Variants in OGDH observed in about 807,000 individuals in gnomAD.
OGDH encodes the protein 2-oxoglutarate dehydrogenase complex component E1.
A neutral mutation model predicts 116.6 loss-of-function variants in OGDH; 38 were observed. That is an observed-to-expected ratio of 0.33 (90% CI 0.25 to 0.43). The LOEUF is 0.43. Among genes scored for constraint, OGDH ranks in the 20% least tolerant of loss-of-function variants. OGDH has a pLI of 1.00. For missense variants in OGDH, 825 were observed against 1,357.2 expected (o/e 0.61, Z 6.16); for synonymous variants, 488 against 533.3 (o/e 0.92, Z 1.17).
At chr7:44,616,652 C>CAT (rs973996535) in intron 1 of OGDH, among the ~76,000 whole-genome samples, 12 of 146,944 alleles carry the variant, frequency 8.2e-5, no homozygotes, top group Non-Finnish European at 1.2e-4. Flanking sequence ...TATATATACA[C>CAT]ATATATATAC....
In OGDH at chr7:44,696,101, A is replaced by G. The variant is rs1354599466; in HGVS notation, c.1745A>G (p.Lys582Arg). 6.2e-7 allele frequency: 1 copy of G among 1,611,494 alleles called. No homozygotes were observed. Among genetic ancestry groups the G allele is most frequent in the Non-Finnish European group, 8.5e-7 (1 of 1,177,678 alleles). ...RSKDEKILHIKHWLDSPWPGF... is the reference protein window; with the variant it reads ...RSKDEKILHIRHWLDSPWPGF... ...AAAGATGAGAAGATCTTGCACATTAAGCACTGGCTGGACTCTCCCTGGCCT... is the reference window on the plus strand; with the variant it reads ...AAAGATGAGAAGATCTTGCACATTAGGCACTGGCTGGACTCTCCCTGGCCT... The change falls in exon 13 of 23, where the codon AAG (lysine) becomes AGG (arginine). Residue 582 changes from lysine to arginine, a missense_variant. Physicochemically the swap from Lys to Arg is conservative, Grantham distance 26. This residue lies in a region of OGDH where 92 missense variants were observed against 129.7 expected (regional missense o/e 0.71). Coordinates refer to ENST00000222673, the MANE Select transcript of OGDH (RefSeq NM_002541.4).
chr7:44,666,116 A>G (rs966882363), intron 4 of OGDH, among the ~76,000 whole-genome samples: 2 of 152,308 alleles, frequency 1.3e-5, no homozygotes. Context: ...TTTCAGGAGA[A>G]GACGATGGTC....
intron 1 of OGDH, among the ~76,000 whole-genome samples, chr7:44,621,797 G>A (rs1785019337): frequency 6.6e-6 from 1 of 150,804 alleles, no homozygotes; most frequent in Non-Finnish European, 1.5e-5. Context: ...GCTTGAACCT[G>A]GGATGGGAGG....
At chr7:44,615,995 C>T (rs1467008935) in intron 1 of OGDH, among the ~76,000 whole-genome samples, 2 of 151,540 alleles carry the variant, frequency 1.3e-5, no homozygotes, top group Non-Finnish European at 2.9e-5. Context: ...CACCACTGCA[C>T]TCCAGCCTGG....
chr7:44,705,051 C>CT (rs777624714), intron 20 of OGDH, among the ~76,000 whole-genome samples: 3,817 of 93,912 alleles, frequency 0.041, 225 homozygotes, highest in Non-Finnish European at 0.055. Context: ...TTTTAATTTT[C>CT]TTTTTTTTTT....
At chr7:44,702,475 G>A (rs1292841860) in intron 20 of OGDH, among the ~76,000 whole-genome samples, 1 of 152,220 alleles carries the variant, frequency 6.6e-6, no homozygotes, top group Non-Finnish European at 1.5e-5. Flanking sequence ...GGGGTCACCA[G>A]GCCAGGAAGC....
chr7:44,626,356 CACA>C (rs1562620045), intron 2 of OGDH, among the ~76,000 whole-genome samples: 6 of 151,544 alleles, frequency 4.0e-5, no homozygotes, highest in Middle Eastern at 6.8e-3. Context: ...CACACACACA[CACA>C]CCCCTACACC....
chr7:44,631,863 C>T (rs1487299958), intron 2 of OGDH, among the ~76,000 whole-genome samples: 1 of 151,814 alleles, frequency 6.6e-6, no homozygotes, highest in Non-Finnish European at 1.5e-5. Flanking sequence ...TCTCCTCTCT[C>T]TCCCGGCCCT....
intron 5 of OGDH, among the ~76,000 whole-genome samples, chr7:44,670,741 T>C (rs2116100893): frequency 6.6e-6 from 1 of 152,222 alleles, no homozygotes; most frequent in South Asian, 2.1e-4. Flanking sequence ...CTGGGCGTGG[T>C]GGCTCAAGCC....
At chr7:44,668,272 A>G (rs1688069246) in intron 5 of OGDH, among the ~76,000 whole-genome samples, 1 of 152,166 alleles carries the variant, frequency 6.6e-6, no homozygotes, top group African/African-American at 2.4e-5. Flanking sequence ...CGCCATCTCT[A>G]TTAAAAATAC....
At chr7:44,687,075 A>T (rs1324435454) in intron 10 of OGDH, among the ~76,000 whole-genome samples, 1 of 148,802 alleles carries the variant, frequency 6.7e-6, no homozygotes, top group African/African-American at 2.5e-5. Context: ...TCATGTTTTT[A>T]AAAAAATTTT....
intron 5 of OGDH, among the ~76,000 whole-genome samples, chr7:44,672,252 G>T (rs1181385791): frequency 6.6e-6 from 1 of 152,100 alleles, no homozygotes; most frequent in African/African-American, 2.4e-5. Context: ...TCATGGTCAC[G>T]GAGCTTGTGT....
chr7:44,672,933 G>A (rs973048009), intron 5 of OGDH, among the ~76,000 whole-genome samples: 2 of 152,036 alleles, frequency 1.3e-5, no homozygotes, highest in Admixed American at 1.3e-4. Flanking sequence ...GAGCCACCGC[G>A]CCTGGCCCCG....
rs1243223028 is a variant in OGDH at position 44,649,972 on chromosome 7, A to AG, written c.517+2213_517+2214insG. ...TTTATAAACCAAGAAACTAAAACAT[A>AG]CAGAAGTGGCCCTAAAGCTTCCTGA... On this transcript the variant is annotated intron_variant, in intron 4 of 22. Coordinates refer to ENST00000222673, the MANE Select transcript of OGDH (RefSeq NM_002541.4). 2.6e-5 allele frequency among the ~76,000 whole-genome samples: 4 copies of AG among 152,292 alleles called. No homozygotes were observed. In the East Asian group the frequency reaches 7.7e-4, roughly 29 times the overall value.
chr7:44,669,632 G>A (rs1383338225), intron 5 of OGDH, among the ~76,000 whole-genome samples: 2 of 152,020 alleles, frequency 1.3e-5, no homozygotes, highest in Non-Finnish European at 2.9e-5. Flanking sequence ...AGGTAATTTC[G>A]ATTTCATCAT....
chr7:44,665,771 C>G (rs1287086144), intron 4 of OGDH, among the ~76,000 whole-genome samples: 11 of 152,192 alleles, frequency 7.2e-5, no homozygotes, highest in Non-Finnish European at 2.9e-5. Context: ...GATTCTTGAA[C>G]TGTGCTTTTT....
chr7:44,699,425 CAAAAAAAAAAAAAAA>C (rs59695480), intron 18 of OGDH, among the ~76,000 whole-genome samples: 1 of 67,720 alleles, frequency 1.5e-5, no homozygotes, highest in African/African-American at 4.5e-5. Context: ...ACTCCTGTCT[CAAAAAAAAAAAAAAA>C]AAAAAAAAAC....
chr7:44,654,242 C>A (rs1160136324), intron 4 of OGDH, among the ~76,000 whole-genome samples: 3 of 152,172 alleles, frequency 2.0e-5, no homozygotes, highest in African/African-American at 7.2e-5. Flanking sequence ...TGTGAAACTT[C>A]TCTCCCATTT....
At chr7:44,618,890 CA>C (rs889358198) in intron 1 of OGDH, among the ~76,000 whole-genome samples, 21 of 152,206 alleles carry the variant, frequency 1.4e-4, no homozygotes, top group African/African-American at 5.1e-4. Context: ...ACAGAGAGGC[CA>C]AGAAGAATCT....
Sources: gnomAD v4.1 joint callset for allele counts (sites outside exome capture counted in the v4.1 genomes callset) on GRCh38, gnomAD v4.1.1 for gene constraint, gnomAD v4.1.1 regional missense constraint, MANE v1.5 for transcripts, NCBI Gene and HGNC (gene_info 2026-07-23, HGNC 2026-07-21) for gene names.